Variants in RGL1 observed in about 807,000 individuals in gnomAD.
RGL1 encodes ral guanine nucleotide dissociation stimulator like 1.
A neutral mutation model predicts 95.2 loss-of-function variants in RGL1; 24 were observed. The ratio of observed to expected loss-of-function variants is 0.25; its 90% CI spans 0.18 to 0.35. RGL1 has a LOEUF of 0.35. Among genes scored for constraint, RGL1 ranks in the 10% least tolerant of loss-of-function variants. RGL1 has a pLI of 1.00. For synonymous variants in RGL1, 329 were observed against 344.9 expected (o/e 0.95, Z 0.51); for missense variants, 715 against 936.3 (o/e 0.76, Z 3.08).
chr1:183,870,908 AG>A (rs1166219157), intron 4 of RGL1, among the ~76,000 whole-genome samples: 3 of 152,160 alleles, frequency 2.0e-5, no homozygotes, highest in Non-Finnish European at 4.4e-5. Flanking sequence ...CTGGTGAAGG[AG>A]CCTGGAGAAC....
At chr1:183,730,127 G>T (rs964288424) in intron 1 of RGL1, among the ~76,000 whole-genome samples, 2 of 152,110 alleles carry the variant, frequency 1.3e-5, no homozygotes, top group Admixed American at 6.6e-5. Flanking sequence ...CATTAAAATT[G>T]TGCTTGTATG....
At chr1:183,854,536 A>C (rs1398716828) in intron 3 of RGL1, among the ~76,000 whole-genome samples, 5 of 152,200 alleles carry the variant, frequency 3.3e-5, no homozygotes, top group African/African-American at 4.8e-5. Context: ...CACAGTGTAG[A>C]GAGGAGTTGA....
At chr1:183,906,859 C>T (rs1043538719) in intron 13 of RGL1, among the ~76,000 whole-genome samples, 153 bp from the exon 14 acceptor site, 1 of 152,180 alleles carries the variant, frequency 6.6e-6, no homozygotes, top group Non-Finnish European at 1.5e-5. Flanking sequence ...GAAGTCAGTA[C>T]CCCCTGACGT....
chr1:183,654,426 A>C (rs115745616), intron 1 of RGL1, among the ~76,000 whole-genome samples: 2,517 of 152,286 alleles, frequency 0.017, 36 homozygotes, highest in South Asian at 0.044. Context: ...TCTTTTATTT[A>C]ATCCTAATAA....
chr1:183,782,228 C>A (rs1266561180), intron 2 of RGL1, among the ~76,000 whole-genome samples: 3 of 152,176 alleles, frequency 2.0e-5, no homozygotes, highest in Non-Finnish European at 4.4e-5. Flanking sequence ...GCCCAGGAAA[C>A]AGGACTTTAC....
At chr1:183,891,691 C>A (rs1300051073) in intron 8 of RGL1, among the ~76,000 whole-genome samples, 1 of 151,082 alleles carries the variant, frequency 6.6e-6, no homozygotes, top group Non-Finnish European at 1.5e-5. Flanking sequence ...AGGGGCCTGG[C>A]CAAGATGACC....
intron 1 of RGL1, among the ~76,000 whole-genome samples, chr1:183,806,153 A>T (rs764155414): frequency 1.1e-4 from 17 of 151,908 alleles, no homozygotes; most frequent in Non-Finnish European, 2.4e-4. Context: ...TAAATGGAAA[A>T]GTCAGGGGAT....
chr1:183,702,077 A>C (rs776459351), intron 1 of RGL1, among the ~76,000 whole-genome samples: 40 of 152,264 alleles, frequency 2.6e-4, no homozygotes, highest in Non-Finnish European at 4.4e-4. Flanking sequence ...CTGACACAAA[A>C]GAAGCCTGAA....
chr1:183,842,086 A>T (rs550822979), intron 2 of RGL1, among the ~76,000 whole-genome samples: 1 of 152,274 alleles, frequency 6.6e-6, no homozygotes, highest in South Asian at 2.1e-4. Flanking sequence ...CATAAAACTT[A>T]CTTTTGGTGT....
At chr1:183,889,880 ATTATTATTCTTTTT>A (rs1395540177) in intron 8 of RGL1, among the ~76,000 whole-genome samples, 3 of 152,140 alleles carry the variant, frequency 2.0e-5, no homozygotes, top group Admixed American at 6.5e-5. Flanking sequence ...AATTTTCTTG[ATTATTATTCTTTTT>A]TTAGGTTCTT....
chr1:183,794,904 A>ATG (rs1235273531), intron 2 of RGL1, among the ~76,000 whole-genome samples: 2 of 152,144 alleles, frequency 1.3e-5, no homozygotes, highest in East Asian at 3.8e-4. Flanking sequence ...GTACTTGCTG[A>ATG]TGTGTGGCTT....
intron 1 of RGL1, among the ~76,000 whole-genome samples, chr1:183,658,361 A>G (rs1313970277): frequency 1.3e-5 from 2 of 152,216 alleles, no homozygotes; most frequent in Non-Finnish European, 2.9e-5. Context: ...ACCCCAATAC[A>G]GCACTTTTCC....
At chr1:183,702,607 G>A (rs551802762) in intron 1 of RGL1, among the ~76,000 whole-genome samples, 16 of 152,246 alleles carry the variant, frequency 1.1e-4, no homozygotes, top group African/African-American at 3.1e-4. Context: ...GCTGTCAGGC[G>A]TGTCTGTGTC....
intron 2 of RGL1, among the ~76,000 whole-genome samples, chr1:183,760,493 A>T (rs1254913045): frequency 1.5e-5 from 2 of 134,230 alleles, no homozygotes; most frequent in Non-Finnish European, 3.1e-5. Context: ...GCGCTGTGGG[A>T]GGCTGAGGTA....
At position 183,847,518 on chromosome 1, in the gene RGL1, C is replaced by T. The variant is rs1664522503; in HGVS notation, c.139-48C>T. 1.1e-5 allele frequency: 16 copies of T among 1,491,798 alleles called. No homozygotes were observed. In the East Asian group the frequency reaches 3.6e-4, roughly 34 times the overall value. 92.4% of individuals were successfully genotyped at this position (1,491,798 alleles called of 1,614,324 possible). A position where few individuals can be genotyped will look rare whatever the true frequency, so the allele number is the denominator to read the frequency against. On this transcript the variant is annotated intron_variant, in intron 2 of 17. Transcript: ENST00000360851. Reference sequence around the variant, plus strand: ...AACTATTTCAATGCTTCCAATTTTACTTTAGGGAGTCATTTCTCCTTATGG... The same window carrying T: ...AACTATTTCAATGCTTCCAATTTTATTTTAGGGAGTCATTTCTCCTTATGG...
intron 2 of RGL1, among the ~76,000 whole-genome samples, chr1:183,775,089 G>T (rs1659521501): frequency 6.6e-6 from 1 of 152,082 alleles, no homozygotes; most frequent in African/African-American, 2.4e-5. Flanking sequence ...CCCTCAGGTA[G>T]ATGGATTTAA....
At chr1:183,748,843 G>T (rs1657818636) in intron 2 of RGL1, among the ~76,000 whole-genome samples, 1 of 152,100 alleles carries the variant, frequency 6.6e-6, no homozygotes, top group Admixed American at 6.6e-5. Flanking sequence ...TGGTTTCAAA[G>T]GACTTATTTA....
At chr1:183,911,512 T>C (rs1011549388) in intron 14 of RGL1, among the ~76,000 whole-genome samples, 7 of 152,212 alleles carry the variant, frequency 4.6e-5, no homozygotes, top group Admixed American at 2.0e-4. Flanking sequence ...CCAGAGCAGC[T>C]GCAGAACTAG....
chr1:183,811,294 GA>G (rs1055775845), intron 2 of RGL1, among the ~76,000 whole-genome samples: 1 of 151,576 alleles, frequency 6.6e-6, no homozygotes, highest in African/African-American at 2.4e-5. Context: ...GAATGTTGAA[GA>G]AAAAAAAGGC....
Sources: allele counts gnomAD v4.1 joint callset (sites outside exome capture counted in the v4.1 genomes callset), GRCh38; gene constraint gnomAD v4.1.1; transcripts MANE v1.5; gene names NCBI Gene and HGNC (gene_info 2026-07-23, HGNC 2026-07-21).